The following NELL1 variants were observed in gnomAD, a reference collection of about 807,000 sequenced individuals.
The protein encoded by NELL1 is neural EGFL like 1, also known as protein kinase C-binding protein NELL1.
NELL1 carries 76 observed loss-of-function variants against 107.4 expected under a neutral mutation model. The ratio of observed to expected loss-of-function variants is 0.71; its 90% CI spans 0.59 to 0.86. NELL1 has a LOEUF of 0.86. Ranked by LOEUF, NELL1 falls within the 40% of genes least tolerant of loss-of-function variation. NELL1 has a pLI of 0.00. For missense variants in NELL1, 1,024 were observed against 1,005.5 expected (o/e 1.02, Z -0.25); for synonymous variants, 353 against 341.2 (o/e 1.03, Z -0.38).
intron 12 of NELL1, among the ~76,000 whole-genome samples, chr11:21,055,052 G>C (rs1357106395): frequency 6.6e-6 from 1 of 151,926 alleles, no homozygotes. Flanking sequence ...CTTGCCTTAT[G>C]GTGTGAGGTA....
At chr11:20,836,271 C>CAA (rs57421402) in intron 3 of NELL1, among the ~76,000 whole-genome samples, 4 of 123,298 alleles carry the variant, frequency 3.2e-5, no homozygotes, top group South Asian at 2.6e-4. Context: ...GGGTAAAATC[C>CAA]AAAAAAAAAA....
chr11:21,110,412 T>C (rs993300241), intron 12 of NELL1, among the ~76,000 whole-genome samples: 8 of 152,094 alleles, frequency 5.3e-5, no homozygotes, highest in Non-Finnish European at 1.0e-4. Flanking sequence ...TTTGAAAATA[T>C]TTTTATTCAG....
At chr11:20,834,158 G>A (rs147619478) in intron 3 of NELL1, among the ~76,000 whole-genome samples, 2,106 of 152,274 alleles carry the variant, frequency 0.014, 19 homozygotes, top group Non-Finnish European at 0.022. Flanking sequence ...GTAGATGTTG[G>A]TGGATAAGAT....
At chr11:21,408,866 C>T (rs1334424340) in intron 15 of NELL1, among the ~76,000 whole-genome samples, 1 of 151,938 alleles carries the variant, frequency 6.6e-6, no homozygotes, top group African/African-American at 2.4e-5. Flanking sequence ...AAATGCAAAT[C>T]AAAACCACAA....
chr11:20,820,826 G>A (rs967933243), intron 3 of NELL1, among the ~76,000 whole-genome samples: 2 of 152,064 alleles, frequency 1.3e-5, no homozygotes, highest in African/African-American at 2.4e-5. Flanking sequence ...TGTCTCTAGC[G>A]TAGCCCCTTC....
At chr11:21,489,380 CAAAAAAAAAA>C (rs1163644356) in intron 15 of NELL1, among the ~76,000 whole-genome samples, 33 of 47,800 alleles carry the variant, frequency 6.9e-4, no homozygotes, top group South Asian at 1.5e-3. Flanking sequence ...GAAAGTATTT[CAAAAAAAAAA>C]AAAAAAAAAA....
chr11:20,908,176 A>G (rs568662978), intron 5 of NELL1, among the ~76,000 whole-genome samples: 1 of 152,298 alleles, frequency 6.6e-6, no homozygotes, highest in African/African-American at 2.4e-5. Flanking sequence ...CAGAAATACC[A>G]TTTGACCCAG....
chr11:20,947,238 T>G, intron 10 of NELL1, 98 bp from the exon 11 acceptor site: 1 of 759,278 alleles, frequency 1.3e-6, no homozygotes, highest in Non-Finnish European at 2.3e-6. Flanking sequence ...TTATTGTATG[T>G]TGTTATCACT....
At chr11:20,678,583 T>C (rs1021565835) in intron 2 of NELL1, among the ~76,000 whole-genome samples, 6 of 152,270 alleles carry the variant, frequency 3.9e-5, no homozygotes, top group Admixed American at 1.3e-4. Context: ...CTTAGAAGCA[T>C]GGTGTTTCTC....
intron 15 of NELL1, among the ~76,000 whole-genome samples, chr11:21,433,913 G>A (rs750918477): frequency 6.6e-6 from 1 of 152,116 alleles, no homozygotes; most frequent in African/African-American, 2.4e-5. Context: ...GGCCTCAGGT[G>A]ACCTGCCCGC....
chr11:20,879,987 A>G (rs938774531), intron 4 of NELL1, among the ~76,000 whole-genome samples: 1 of 152,208 alleles, frequency 6.6e-6, no homozygotes, highest in Admixed American at 6.5e-5. Flanking sequence ...AGTTTTCTCC[A>G]TAATATCAGA....
intron 14 of NELL1, among the ~76,000 whole-genome samples, chr11:21,266,926 A>G (rs917150170): frequency 2.6e-5 from 4 of 152,096 alleles, no homozygotes; most frequent in Non-Finnish European, 4.4e-5. Context: ...GTGTGTGAAA[A>G]CATGGAATTA....
At chr11:21,081,720 A>G (rs950376509) in intron 12 of NELL1, among the ~76,000 whole-genome samples, 1 of 152,142 alleles carries the variant, frequency 6.6e-6, no homozygotes, top group East Asian at 1.9e-4. Context: ...TCTTTTGTGA[A>G]CTAGTTAAAT....
At chr11:21,570,692 G>A in intron 17 of NELL1, 72 bp from the exon 18 acceptor site, 2 of 1,483,712 alleles carry the variant, frequency 1.3e-6, no homozygotes, top group South Asian at 1.3e-5. Context: ...CATCCAAGAA[G>A]TTCATTTCTC....
chr11:20,940,983 AC>A (rs1850841272), intron 10 of NELL1, among the ~76,000 whole-genome samples: 1 of 152,118 alleles, frequency 6.6e-6, no homozygotes, highest in Admixed American at 6.5e-5. Flanking sequence ...TCCCAAAAAT[AC>A]AAAAATTAGC....
intron 12 of NELL1, among the ~76,000 whole-genome samples, chr11:21,094,781 C>G (rs773244023): frequency 1.3e-5 from 2 of 152,120 alleles, no homozygotes; most frequent in African/African-American, 4.8e-5. Context: ...GCACATAGCA[C>G]GAAGACCCTG....
chr11:21,478,981 A>G (rs1444498851), intron 15 of NELL1, among the ~76,000 whole-genome samples: 2 of 152,190 alleles, frequency 1.3e-5, no homozygotes, highest in Admixed American at 1.3e-4. Flanking sequence ...AATCAAAACT[A>G]TAACGATATA....
At chr11:20,707,006 T>G (rs986595873) in intron 2 of NELL1, among the ~76,000 whole-genome samples, 1 of 152,226 alleles carries the variant, frequency 6.6e-6, no homozygotes, top group Admixed American at 6.5e-5. Context: ...GGTACACCAA[T>G]CAGATGTAGA....
At position 21,232,159 on chromosome 11, in the gene NELL1, A is replaced by ATATATATATATAT. The variant is rs1270859097; in HGVS notation, c.1549+2705_1549+2706insTATATATATATAT. ...TACTAAAAAAAAATAAAAAAAAAAA[A>ATATATATATATAT]ATATATATATATATATATAAATTAG... On this transcript the variant is annotated intron_variant, in intron 14 of 19. Coordinates refer to ENST00000357134, the MANE Select transcript of NELL1 (RefSeq NM_006157.5). Among the ~76,000 whole-genome samples the ATATATATATATAT allele has an allele frequency of 3.2e-3, 235 of 73,020 alleles. 1 individual carries two copies. The highest frequency in any genetic ancestry group is 3.9e-3 in the Non-Finnish European group (140 of 35,802). The allele number at this position is 73,020 out of a possible 152,430, so 47.9% of individuals were successfully genotyped here. A position where few individuals can be genotyped will look rare whatever the true frequency, so the allele number is the denominator to read the frequency against.
Sources: allele counts gnomAD v4.1 joint callset (sites outside exome capture counted in the v4.1 genomes callset), GRCh38; gene constraint gnomAD v4.1.1; transcripts MANE v1.5; gene names NCBI Gene and HGNC (gene_info 2026-07-23, HGNC 2026-07-21).